Variants in ZNF490 observed in about 807,000 individuals in gnomAD.
The protein encoded by ZNF490 is zinc finger protein 490.
ZNF490 carries 11 observed loss-of-function variants against 17.7 expected under a neutral mutation model. That is an observed-to-expected ratio of 0.62 (90% CI 0.39 to 1.03). The LOEUF (loss-of-function observed/expected upper bound fraction) is 1.03. Among genes scored for constraint, ZNF490 ranks in the 50% least tolerant of loss-of-function variants. The pLI, the probability that ZNF490 is intolerant of heterozygous loss-of-function variation, is 0.00. For synonymous variants in ZNF490, 222 were observed against 216.1 expected (o/e 1.03, Z -0.24); for missense variants, 542 against 643.4 (o/e 0.84, Z 1.71).
rs144184551 is a variant in ZNF490, at chr19:12,584,364, G to T, written c.163-808C>A. Among the ~76,000 whole-genome samples, 877 of 89,298 alleles carry T rather than the reference G, an allele frequency of 9.8e-3. 238 individuals carry two copies. The highest frequency in any genetic ancestry group is 0.028 in the African/African-American group (832 of 29,574). The allele number at this position is 89,298 out of a possible 152,430, so 58.6% of individuals were successfully genotyped here. ...GTAGAGACGGGGTTTCACCATGTTAGCCAGGATGGTCTTGATCTCCTGACC... is the reference window on the plus strand; with the variant it reads ...GTAGAGACGGGGTTTCACCATGTTATCCAGGATGGTCTTGATCTCCTGACC... On this transcript the variant is annotated intron_variant, in intron 2 of 4. Coordinates refer to ENST00000311437, the MANE Select transcript of ZNF490 (RefSeq NM_020714.3).
intron 2 of ZNF490, among the ~76,000 whole-genome samples, chr19:12,607,193 A>ATT (rs760914971): frequency 1.4e-5 from 2 of 143,910 alleles, no homozygotes; most frequent in Non-Finnish European, 1.5e-5. Context: ...AAAAATTTAA[A>ATT]TTTTTTTTTT....
At position 12,583,533 on chromosome 19, in the gene ZNF490, C is replaced by T. The variant is rs1248676439; in HGVS notation, c.186G>A (p.Val62=). The stretch of plus-strand genomic sequence containing the variant: ...ACTCCTCCAGGGTGAAGTTCACAGC[C>T]ACATCCTCAAGGGAGATGGAGTCCT... ...TQTDSISLED[V]AVNFTLEEWA... The change falls in exon 3 of 5, where the codon GTG becomes GTA. Residue 62 remains valine, a synonymous_variant. Transcript: ENST00000311437. 1.9e-6 allele frequency: 3 copies of T among 1,603,172 alleles called. No individual in the cohort carries two copies. The highest frequency in any genetic ancestry group is 2.6e-6 in the Non-Finnish European group (3 of 1,173,056).
At chr19:12,601,213 T>C (rs565876973) in intron 2 of ZNF490, among the ~76,000 whole-genome samples, 1,810 of 147,428 alleles carry the variant, frequency 0.012, 23 homozygotes, top group Admixed American at 0.018. Flanking sequence ...ACGGTGAAAC[T>C]CCGTCTCTAC....
rs538087791 is a variant in ZNF490 at position 12,610,418 on chromosome 19, G to A, written c.117+146C>T. On this transcript the variant is annotated intron_variant, in intron 1 of 4. Coordinates refer to ENST00000311437, the MANE Select transcript of ZNF490 (RefSeq NM_020714.3). ...GCCAAATGTGTGGAGGTGGGGAAAA[G>A]AAAGGTGGACGCCTCAACGCTGTTA... The A allele has an allele frequency of 3.1e-5, 22 of 704,878 alleles. No individual in the cohort carries two copies. The East Asian group carries it at 5.7e-4, about 18-fold the overall frequency. The allele number at this position is 704,878 out of a possible 1,614,324, so 43.7% of individuals were successfully genotyped here.
chr19:12,597,754 T>A (rs1275846063), intron 2 of ZNF490, among the ~76,000 whole-genome samples: 1 of 152,164 alleles, frequency 6.6e-6, no homozygotes, highest in Non-Finnish European at 1.5e-5. Flanking sequence ...TCAATCTTCC[T>A]GATGTTGTAG....
chr19:12,582,947 TAGAAATTATA>T (rs1337868675), intron 3 of ZNF490, 37 bp from the exon 4 acceptor site: 1 of 1,509,752 alleles, frequency 6.6e-7, no homozygotes, highest in African/African-American at 1.4e-5. Flanking sequence ...AATAAATTAT[TAGAAATTATA>T]GAAAATTATA....
At chr19:12,606,720 C>T (rs1318599088) in intron 2 of ZNF490, among the ~76,000 whole-genome samples, 1 of 151,952 alleles carries the variant, frequency 6.6e-6, no homozygotes, top group Non-Finnish European at 1.5e-5. Context: ...AAAGGAATCA[C>T]TGGAAGATTT....
At chr19:12,608,747 T>C (rs1283961774) in intron 2 of ZNF490, among the ~76,000 whole-genome samples, 1 of 152,134 alleles carries the variant, frequency 6.6e-6, no homozygotes, top group South Asian at 2.1e-4. Flanking sequence ...AGTGCTGAGA[T>C]TACAGGCATG....
chr19:12,603,446 C>A (rs989163662), intron 2 of ZNF490, among the ~76,000 whole-genome samples: 2 of 151,894 alleles, frequency 1.3e-5, no homozygotes, highest in African/African-American at 2.4e-5. Flanking sequence ...TGTGATGACA[C>A]CACTGCACTC....
At chr19:12,599,750 G>C (rs568454282) in intron 2 of ZNF490, among the ~76,000 whole-genome samples, 1 of 151,638 alleles carries the variant, frequency 6.6e-6, no homozygotes, top group Non-Finnish European at 1.5e-5. Context: ...GAAGGCATGG[G>C]AATGTGGATT....
chr19:12,609,057 A>T, intron 2 of ZNF490, 101 bp downstream of exon 2: 2 of 1,121,968 alleles, frequency 1.8e-6, no homozygotes, highest in Non-Finnish European at 2.6e-6. Flanking sequence ...CTTCACAAAG[A>T]CCCGAAAGAC....
rs1401960774 is a variant in ZNF490, at chr19:12,576,368, T to A, written c.*4117A>T. ...TAAAAATAAAAAAACTAGCTCGGTA[T>A]GGTGGCACGCGCCTGTAATCCCAGC... On this transcript the variant is annotated 3_prime_UTR_variant, in exon 5 of 5. Coordinates refer to ENST00000311437, the MANE Select transcript of ZNF490 (RefSeq NM_020714.3). Among the ~76,000 whole-genome samples the A allele has an allele frequency of 6.6e-6, 1 of 151,704 alleles. No individual in the cohort carries two copies. Among genetic ancestry groups the A allele is most frequent in the Non-Finnish European group, 1.5e-5 (1 of 67,956 alleles).
chr19:12,589,748 ACTT>A (rs999941143), intron 2 of ZNF490, among the ~76,000 whole-genome samples: 2 of 152,002 alleles, frequency 1.3e-5, no homozygotes, highest in Non-Finnish European at 2.9e-5. Context: ...GGCAAGAGGA[ACTT>A]CTTGAGAAAG....
At chr19:12,590,132 G>A (rs998339209) in intron 2 of ZNF490, among the ~76,000 whole-genome samples, 4 of 151,840 alleles carry the variant, frequency 2.6e-5, no homozygotes, top group Non-Finnish European at 4.4e-5. Context: ...GACCAGGCTG[G>A]TCTGGAACTC....
At chr19:12,589,022 C>G (rs913565211) in intron 2 of ZNF490, among the ~76,000 whole-genome samples, 5 of 152,104 alleles carry the variant, frequency 3.3e-5, no homozygotes, top group Non-Finnish European at 7.4e-5. Context: ...CAGTGTCTAA[C>G]TTAAAAAACT....
intron 2 of ZNF490, among the ~76,000 whole-genome samples, chr19:12,593,212 C>T (rs1389689280): frequency 2.0e-5 from 3 of 150,542 alleles, no homozygotes; most frequent in Non-Finnish European, 3.0e-5. Flanking sequence ...TATGGCTAGC[C>T]GTGAGGTAAA....
chr19:12,591,695 T>C (rs541205870), intron 2 of ZNF490, among the ~76,000 whole-genome samples: 1 of 152,178 alleles, frequency 6.6e-6, no homozygotes, highest in Admixed American at 6.5e-5. Context: ...AGTAAGATAT[T>C]ACCACACTCA....
At chr19:12,590,985 T>C (rs1038511323) in intron 2 of ZNF490, among the ~76,000 whole-genome samples, 4 of 152,002 alleles carry the variant, frequency 2.6e-5, no homozygotes, top group Non-Finnish European at 5.9e-5. Context: ...AAGATGTAAC[T>C]GTAAAATACA....
rs113433202 is a variant in ZNF490, at chr19:12,599,354, A to G, written c.162+9804T>C. ...TTAGGACAAGTCAGAAAGTCAAGGC[A>G]TATCATAGAGTGTAAGTCATGAAAG... On this transcript the variant is annotated intron_variant, in intron 2 of 4. Coordinates refer to ENST00000311437, the MANE Select transcript of ZNF490 (RefSeq NM_020714.3). 2.7e-3 allele frequency among the ~76,000 whole-genome samples: 418 copies of G among 152,314 alleles called. 1 individual carries two copies. The highest frequency in any genetic ancestry group is 9.5e-3 in the African/African-American group (394 of 41,584).
Sources: allele counts gnomAD v4.1 joint callset (sites outside exome capture counted in the v4.1 genomes callset), GRCh38; gene constraint gnomAD v4.1.1; transcripts MANE v1.5; gene names NCBI Gene and HGNC (gene_info 2026-07-23, HGNC 2026-07-21).